Variants in AZIN2 observed in about 807,000 individuals in gnomAD.
AZIN2 encodes ODC antizyme inhibitor-2.
A neutral mutation model predicts 47.8 loss-of-function variants in AZIN2; 28 were observed. That is an observed-to-expected ratio of 0.59 (90% CI 0.43 to 0.80). The LOEUF (loss-of-function observed/expected upper bound fraction) is 0.80, where lower values mean the gene tolerates loss of function less well. AZIN2 is among the 30% of genes least tolerant of loss of function. The pLI is 0.00. For missense variants in AZIN2, 535 were observed against 582.5 expected, an observed-to-expected ratio of 0.92 and a Z score of 0.84; for synonymous variants, 221 against 239.4, an observed-to-expected ratio of 0.92 and a Z score of 0.71.
the AZIN2 span, chr1:33,147,774 T>C: frequency 6.3e-7 from 1 of 1,576,068 alleles, no homozygotes. This position sits in a 1 kb window ranked among gnomAD's most constrained non-coding sequence, Gnocchi z 8.1. Flanking sequence ...GAGAAGGCTG[T>C]GGACCCACCA....
chr1:33,156,272 C>T, the AZIN2 span, among the ~76,000 whole-genome samples: 7 of 152,228 alleles, frequency 4.6e-5, no homozygotes, highest in East Asian at 1.9e-4. Flanking sequence ...CTCTCTCCTT[C>T]GCTTGAAAAC....
At chr1:33,154,631 C>T in the AZIN2 span, among the ~76,000 whole-genome samples, 1 of 151,464 alleles carries the variant, frequency 6.6e-6, no homozygotes, top group Non-Finnish European at 1.5e-5. Flanking sequence ...AACACCGTCT[C>T]TACTAAAAAT....
At chr1:33,109,327 CTT>C (rs1231170138) in intron 10 of AZIN2, among the ~76,000 whole-genome samples, 25 of 137,906 alleles carry the variant, frequency 1.8e-4, no homozygotes, top group Non-Finnish European at 1.4e-4. Context: ...TTTTCTTTTT[CTT>C]TTTTTTTTTT....
the AZIN2 span, chr1:33,158,188 CA>C: frequency 1.6e-5 from 23 of 1,471,100 alleles, no homozygotes; most frequent in Non-Finnish European, 2.0e-5. Context: ...GTGTTTAGGA[CA>C]GGGGGCTGGG....
Position 33,122,298 on chromosome 1 carries a change from T to C in AZIN2, c.*2116T>C, listed in dbSNP as rs1168436941. Among the ~76,000 whole-genome samples the C allele has an allele frequency of 6.6e-6, 1 of 152,186 alleles. No homozygotes were observed. The highest frequency in any genetic ancestry group is 1.5e-5 in the Non-Finnish European group (1 of 68,030). On this transcript the variant is annotated 3_prime_UTR_variant, in exon 12 of 12. Coordinates refer to ENST00000294517, the MANE Select transcript of AZIN2 (RefSeq NM_052998.4). ...GCAAGTCCACTGAGGGGGCATTCTG[T>C]GGCTTTTGAAATGACAGTGGCTGTC...
rs748144968 is a variant in AZIN2 at position 33,096,834 on chromosome 1, A to G, written c.881A>G (p.Lys294Arg). ...AFTVAVSIIA[K>R]KEVLLDQPGR... ...ACTGTGGCAGTCAGCATCATTGCCA[A>G]GAAGGAGGTTCTGCTAGACCAGCCT... Residue 294 changes from lysine to arginine, a missense_variant, in exon 9 of 12, where the codon AAG becomes AGG. By Grantham distance (26) the Lys-to-Arg change is conservative (BLOSUM62 2). Transcript: ENST00000294517. The G allele has an allele frequency of 3.7e-6, 6 of 1,614,182 alleles. No homozygotes were observed. The highest frequency in any genetic ancestry group is 4.2e-6 in the Non-Finnish European group (5 of 1,180,026).
At chr1:33,086,813 A>C (rs1271780954) in intron 5 of AZIN2, among the ~76,000 whole-genome samples, 1 of 152,160 alleles carries the variant, frequency 6.6e-6, no homozygotes, top group Non-Finnish European at 1.5e-5. Flanking sequence ...CTTCCAGCCC[A>C]ATCCCTTGCT....
In AZIN2 at chr1:33,091,876, G is replaced by T. The variant is rs1244359852; in HGVS notation, c.280-174G>T. On this transcript the variant is annotated intron_variant, in intron 5 of 11. Transcript: ENST00000294517. ...GTACATGGCAGCCCTGCTTATCAAA[G>T]AATGGTGAATCCATGTAAGTCCTGA... Among the ~76,000 whole-genome samples, 4 of 152,356 alleles carry T rather than the reference G, an allele frequency of 2.6e-5. No individual in the cohort carries two copies. In the East Asian group the frequency reaches 7.7e-4, roughly 29 times the overall value.
chr1:33,129,317 A>G, the AZIN2 span, among the ~76,000 whole-genome samples: 1 of 152,222 alleles, frequency 6.6e-6, no homozygotes, highest in African/African-American at 2.4e-5. This position sits in a 1 kb window ranked among gnomAD's most constrained non-coding sequence, Gnocchi z 4.1. Context: ...CAAGACCACT[A>G]CAACTCTGAT....
intron 10 of AZIN2, among the ~76,000 whole-genome samples, chr1:33,117,675 A>G (rs550992361): frequency 2.6e-5 from 4 of 152,356 alleles, no homozygotes; most frequent in African/African-American, 9.6e-5. Context: ...CCAAGGTCAC[A>G]CAGCTAACAA....
chr1:33,086,860 C>G (rs1267688380), intron 5 of AZIN2, among the ~76,000 whole-genome samples: 1 of 152,236 alleles, frequency 6.6e-6, no homozygotes, highest in African/African-American at 2.4e-5. Flanking sequence ...GTTGTCTGCA[C>G]TTGCCTGTCT....
chr1:33,153,033 G>A, the AZIN2 span, among the ~76,000 whole-genome samples: 28 of 138,576 alleles, frequency 2.0e-4, no homozygotes, highest in Non-Finnish European at 4.2e-4. Flanking sequence ...GCTGGGGGTG[G>A]GATAGAGGGG....
At chr1:33,086,134 T>C (rs1422205482) in intron 5 of AZIN2, among the ~76,000 whole-genome samples, 3 of 152,166 alleles carry the variant, frequency 2.0e-5, no homozygotes, top group Non-Finnish European at 4.4e-5. Context: ...CTTTGCTGAG[T>C]GTGTCTGTTG....
Position 33,098,127 on chromosome 1 carries a change from T to A in AZIN2, c.977T>A (p.Ile326Asn), listed in dbSNP as rs752698786. ...VYHLDEGVYG[I>N]FNSVLFDNIC... is the part of the protein sequence containing the mutation. Reference sequence around the variant, plus strand: ...CACCTTGATGAGGGCGTGTATGGGATCTTCAACTCAGTCCTGTTTGACAAC... The same window carrying A: ...CACCTTGATGAGGGCGTGTATGGGAACTTCAACTCAGTCCTGTTTGACAAC... Residue 326 changes from isoleucine to asparagine, a missense_variant, in exon 10 of 12, where the codon ATC becomes AAC. Physicochemically the swap from Ile to Asn is moderately radical, Grantham distance 149 (BLOSUM62 -3). Transcript: ENST00000294517. The A allele has an allele frequency of 1.9e-6, 3 of 1,614,004 alleles. No individual in the cohort carries two copies. The highest frequency in any genetic ancestry group is 2.5e-6 in the Non-Finnish European group (3 of 1,180,020).
the AZIN2 span, among the ~76,000 whole-genome samples, chr1:33,132,154 A>G: frequency 6.6e-6 from 1 of 152,180 alleles, no homozygotes; most frequent in African/African-American, 2.4e-5. Context: ...TCCAGCTGCT[A>G]CGGCTATGGG....
chr1:33,090,743 T>C (rs1377256402), intron 5 of AZIN2, among the ~76,000 whole-genome samples: 1 of 152,208 alleles, frequency 6.6e-6, no homozygotes, highest in East Asian at 1.9e-4. Context: ...TTTCCAAGTG[T>C]ACCATATATT....
the AZIN2 span, among the ~76,000 whole-genome samples, chr1:33,158,694 C>T: frequency 6.6e-6 from 1 of 152,218 alleles, no homozygotes; most frequent in Non-Finnish European, 1.5e-5. Flanking sequence ...CAGTATTGAT[C>T]ACCAACAAAC....
intron 5 of AZIN2, 72 bp downstream of exon 5, chr1:33,084,199 T>A (rs1422811237): frequency 1.3e-6 from 2 of 1,576,954 alleles, no homozygotes; most frequent in African/African-American, 2.7e-5. Flanking sequence ...CTAGTCCAGG[T>A]GGGCTCTGGG....
At chr1:33,104,543 C>CATATACAT (rs147670385) in intron 10 of AZIN2, among the ~76,000 whole-genome samples, 2 of 149,654 alleles carry the variant, frequency 1.3e-5, no homozygotes, top group Non-Finnish European at 3.0e-5. Flanking sequence ...ATCTTTATTA[C>CATATACAT]ATATATATAT....
Sources: gnomAD v4.1 joint callset for allele counts (sites outside exome capture counted in the v4.1 genomes callset) on GRCh38, gnomAD v4.1.1 for gene constraint, Gnocchi (gnomAD v3.1) non-coding constraint, MANE v1.5 for transcripts, NCBI Gene and HGNC (gene_info 2026-07-23, HGNC 2026-07-21) for gene names.